Variants in ZMAT4 observed in about 807,000 individuals in gnomAD.
ZMAT4 encodes zinc finger matrin-type protein 4.
In ZMAT4, 17 loss-of-function variants were observed where a neutral mutation model predicts 28.7. The observed-to-expected ratio is 0.59, with a 90% CI of 0.41 to 0.89. The LOEUF is 0.89. Ranked by LOEUF, ZMAT4 falls within the 40% of genes least tolerant of loss-of-function variation. The probability of loss-of-function intolerance (pLI) is 0.00; values close to 1 mark genes in which losing one functional copy is unlikely to be tolerated. For missense variants in ZMAT4, 240 were observed against 283.8 expected, an observed-to-expected ratio of 0.85 and a Z score of 1.11; for synonymous variants, 117 against 109.2, an observed-to-expected ratio of 1.07 and a Z score of -0.44.
chr8:40,746,263 CCCTT>C (rs1812217614), intron 3 of ZMAT4, among the ~76,000 whole-genome samples: 4 of 54,528 alleles, frequency 7.3e-5, no homozygotes, highest in African/African-American at 2.1e-4. Flanking sequence ...CTCCCTCCCT[CCCTT>C]CCTTCCTTTC....
intron 1 of ZMAT4, among the ~76,000 whole-genome samples, chr8:40,892,241 C>T (rs189543747): frequency 6.6e-6 from 1 of 152,324 alleles, no homozygotes; most frequent in African/African-American, 2.4e-5. Flanking sequence ...AGTCTTTCTT[C>T]CCTTCATAAG....
At chr8:40,573,352 C>G (rs775149983) in intron 6 of ZMAT4, among the ~76,000 whole-genome samples, 10 of 152,180 alleles carry the variant, frequency 6.6e-5, no homozygotes, top group Non-Finnish European at 1.5e-4. Context: ...TCCAAAGGCT[C>G]TAGGAGTGAA....
chr8:40,675,521 T>C (rs1385653867), intron 4 of ZMAT4, among the ~76,000 whole-genome samples: 2 of 152,184 alleles, frequency 1.3e-5, no homozygotes, highest in Non-Finnish European at 1.5e-5. Context: ...AAATATTGGA[T>C]AAAATGCAAC....
intron 1 of ZMAT4, among the ~76,000 whole-genome samples, chr8:40,846,878 T>C (rs2150631586): frequency 6.6e-6 from 1 of 152,272 alleles, no homozygotes; most frequent in South Asian, 2.1e-4. Context: ...GTATGGCTTT[T>C]AAACACACAC....
At chr8:40,811,454 G>A (rs116808447) in intron 2 of ZMAT4, among the ~76,000 whole-genome samples, 93 of 152,310 alleles carry the variant, frequency 6.1e-4, no homozygotes, top group African/African-American at 2.1e-3. Context: ...ACTACACACA[G>A]GAGATAAAAT....
At chr8:40,895,390 G>T (rs1372756524) in intron 1 of ZMAT4, among the ~76,000 whole-genome samples, 2 of 152,214 alleles carry the variant, frequency 1.3e-5, no homozygotes, top group Admixed American at 6.5e-5. Context: ...CAGCAGAGGC[G>T]CTGGGTCCTG....
chr8:40,890,982 A>C (rs900295504), intron 1 of ZMAT4, among the ~76,000 whole-genome samples: 4 of 151,626 alleles, frequency 2.6e-5, no homozygotes, highest in African/African-American at 9.7e-5. Flanking sequence ...CTACACCCAG[A>C]TGCACTCTAT....
chr8:40,805,560 C>A (rs1815044395), intron 2 of ZMAT4, among the ~76,000 whole-genome samples: 1 of 120,090 alleles, frequency 8.3e-6, no homozygotes. Flanking sequence ...CAAAGATAGA[C>A]TGGATTAAGA....
chr8:40,879,293 C>T (rs751640414), intron 1 of ZMAT4, among the ~76,000 whole-genome samples: 1 of 152,146 alleles, frequency 6.6e-6, no homozygotes, highest in Non-Finnish European at 1.5e-5. Flanking sequence ...CATGGTGGCT[C>T]TCACCTGTAG....
intron 5 of ZMAT4, among the ~76,000 whole-genome samples, chr8:40,608,064 G>A (rs1391677651): frequency 6.6e-6 from 1 of 152,174 alleles, no homozygotes; most frequent in Non-Finnish European, 1.5e-5. Context: ...GTATAGGGAG[G>A]ATACAAGCTT....
chr8:40,549,345 G>T (rs1803297596), intron 6 of ZMAT4, among the ~76,000 whole-genome samples: 1 of 152,140 alleles, frequency 6.6e-6, no homozygotes, highest in African/African-American at 2.4e-5. Context: ...GACTCCACTA[G>T]GGGTGCTAAA....
intron 1 of ZMAT4, among the ~76,000 whole-genome samples, chr8:40,829,704 G>A (rs979819863): frequency 6.6e-6 from 1 of 152,102 alleles, no homozygotes; most frequent in Admixed American, 6.6e-5. Context: ...AGAACTTGGG[G>A]GATGGAAAGT....
intron 3 of ZMAT4, among the ~76,000 whole-genome samples, chr8:40,719,559 T>C (rs1386917418): frequency 6.6e-6 from 1 of 152,080 alleles, no homozygotes; most frequent in Non-Finnish European, 1.5e-5. Flanking sequence ...GAGAAGGCAC[T>C]CAAGGCCCTT....
At chr8:40,755,477 G>A (rs747705814) in intron 3 of ZMAT4, among the ~76,000 whole-genome samples, 2 of 152,028 alleles carry the variant, frequency 1.3e-5, no homozygotes, top group Non-Finnish European at 2.9e-5. Flanking sequence ...TTTTGAGACA[G>A]GGTCCCACTC....
intron 2 of ZMAT4, among the ~76,000 whole-genome samples, chr8:40,800,043 C>G (rs534263885): frequency 3.9e-5 from 6 of 152,120 alleles, no homozygotes; most frequent in Non-Finnish European, 8.8e-5. Flanking sequence ...AGATAGAGAA[C>G]AGTAACAAAT....
chr8:40,710,787 T>C (rs1810578299), intron 3 of ZMAT4, among the ~76,000 whole-genome samples: 1 of 114,540 alleles, frequency 8.7e-6, no homozygotes, highest in South Asian at 3.0e-4. Flanking sequence ...ATCAAGACTT[T>C]TCTTTTTTTT....
chr8:40,683,060 G>A (rs557095112), intron 4 of ZMAT4, among the ~76,000 whole-genome samples: 1 of 152,170 alleles, frequency 6.6e-6, no homozygotes, highest in Admixed American at 6.5e-5. Context: ...TTTATCCTTT[G>A]TTTACTGATA....
chr8:40,563,822 T>G (rs1039628585), intron 6 of ZMAT4, among the ~76,000 whole-genome samples: 1 of 152,078 alleles, frequency 6.6e-6, no homozygotes, highest in Admixed American at 6.6e-5. Flanking sequence ...CAGCTGTTCC[T>G]TGACTCTGAA....
intron 4 of ZMAT4, among the ~76,000 whole-genome samples, chr8:40,680,362 C>T (rs1435605208): frequency 6.6e-6 from 1 of 152,044 alleles, no homozygotes; most frequent in Non-Finnish European, 1.5e-5. Flanking sequence ...AAGGAAAGTC[C>T]TAGGCAAATT....
Sources: gnomAD v4.1 joint callset for allele counts (sites outside exome capture counted in the v4.1 genomes callset) on GRCh38, gnomAD v4.1.1 for gene constraint, MANE v1.5 for transcripts, NCBI Gene and HGNC (gene_info 2026-07-23, HGNC 2026-07-21) for gene names.